The following EIF1AD variants were observed in gnomAD, a reference collection of about 807,000 sequenced individuals.
EIF1AD encodes the protein eukaryotic translation initiation factor 1A domain containing.
A neutral mutation model predicts 21.7 loss-of-function variants in EIF1AD; 9 were observed. That is an observed-to-expected ratio of 0.41 (90% CI 0.25 to 0.72). The LOEUF (loss-of-function observed/expected upper bound fraction) is 0.72. Among genes scored for constraint, EIF1AD ranks in the 30% least tolerant of loss-of-function variants. The pLI is 0.29. For synonymous variants in EIF1AD, 78 were observed against 70.9 expected (o/e 1.10, Z -0.50); for missense variants, 164 against 199.7 (o/e 0.82, Z 1.08).
At position 66,001,937 on chromosome 11, in the gene EIF1AD, G is replaced by C. The variant is rs900526184; in HGVS notation, c.-144C>G. On this transcript the variant is annotated 5_prime_UTR_variant, in exon 1 of 6. Coordinates refer to ENST00000533544, the MANE Select transcript of EIF1AD (RefSeq NM_001242481.2). ...TTAGTCTCTGGCCCTCGGCTCCCAG[G>C]AACGCTGCCGGAGCAACACCGCCGT... 6.6e-6 allele frequency: 1 copy of C among 152,250 alleles called. No individual in the cohort carries two copies. Among genetic ancestry groups the C allele is most frequent in the African/African-American group, 2.4e-5 (1 of 41,438 alleles). The allele number at this position is 152,250 out of a possible 1,614,324, so 9.4% of individuals were successfully genotyped here.
intron 2 of EIF1AD, 39 bp downstream of exon 2, chr11:66,000,264 G>C: frequency 6.2e-7 from 1 of 1,612,820 alleles, no homozygotes; most frequent in Non-Finnish European, 8.5e-7. Context: ...AGGGCTGCAG[G>C]GGTGGGGAGC....
chr11:66,000,499 C>T lies in EIF1AD; in HGVS notation c.-110G>A, dbSNP rs1855905346. 2 of 1,057,978 alleles carry T rather than the reference C, an allele frequency of 1.9e-6. No homozygotes were observed. Among genetic ancestry groups the T allele is most frequent in the Non-Finnish European group, 1.4e-6 (1 of 714,672 alleles). 65.5% of individuals were successfully genotyped at this position (1,057,978 alleles called of 1,614,324 possible). A position where few individuals can be genotyped will look rare whatever the true frequency, so the allele number is the denominator to read the frequency against. On this transcript the variant is annotated 5_prime_UTR_variant, in exon 2 of 6. Coordinates refer to ENST00000533544, the MANE Select transcript of EIF1AD (RefSeq NM_001242481.2). The stretch of plus-strand genomic sequence containing the variant: ...GGACTGTTCTGAAGATGGGGAGGGG[C>T]CTTTTACTGAGGGGTGACACGGTGT...
rs751567674 is a variant in EIF1AD, at chr11:65,999,367, T to C, written c.336A>G (p.Lys112=). Residue 112 remains lysine (K), a synonymous_variant, in exon 5 of 6, where the codon AAA becomes AAG. Coordinates refer to ENST00000533544, the MANE Select transcript of EIF1AD (RefSeq NM_001242481.2). ...WPEAFSEVAE[K]HNNRNRQTQP... ...TTCCTCACCTGTTCCTGTTGTTGTGTTTCTCAGCCACTTCAGAGAAGGCCT... is the reference window on the plus strand; with the variant it reads ...TTCCTCACCTGTTCCTGTTGTTGTGCTTCTCAGCCACTTCAGAGAAGGCCT... 3.1e-6 allele frequency: 5 copies of C among 1,614,264 alleles called. No individual in the cohort carries two copies. In the South Asian group the frequency reaches 5.5e-5, roughly 18 times the overall value.
rs946896545 is a variant in EIF1AD at position 65,996,685 on chromosome 11, A to T, written c.*1914T>A. 2.0e-5 allele frequency: 3 copies of T among 152,202 alleles called. No individual in the cohort carries two copies. The highest frequency in any genetic ancestry group is 7.2e-5 in the African/African-American group (3 of 41,446). 9.4% of individuals were successfully genotyped at this position (152,202 alleles called of 1,614,324 possible). A position where few individuals can be genotyped will look rare whatever the true frequency, so the allele number is the denominator to read the frequency against. ...AAGTAAATGAGAAACAGACAAATGA[A>T]GTGGTAGCTGGAGGACGTGGGAATC... On this transcript the variant is annotated 3_prime_UTR_variant, in exon 6 of 6. Transcript: ENST00000533544.
In EIF1AD at chr11:66,000,176, A is replaced by C; in HGVS notation, c.88-15T>G. ...GTCCTGAGTACCTGGTTCAGGAGAGACCAAGAATCAGTCTCATCAGTCAGA... is the reference window on the plus strand; with the variant it reads ...GTCCTGAGTACCTGGTTCAGGAGAGCCCAAGAATCAGTCTCATCAGTCAGA... On this transcript the variant is annotated splice_polypyrimidine_tract_variant and intron_variant, in intron 2 of 5. Transcript: ENST00000533544. The C allele has an allele frequency of 6.2e-7, 1 of 1,610,592 alleles. No individual in the cohort carries two copies. The highest frequency in any genetic ancestry group is 1.7e-4 in the Middle Eastern group (1 of 6,048).
intron 2 of EIF1AD, 63 bp downstream of exon 2, chr11:66,000,240 C>A (rs1051037601): frequency 1.2e-6 from 2 of 1,610,306 alleles, no homozygotes; most frequent in East Asian, 4.5e-5. Flanking sequence ...CTACCCCCAC[C>A]CCAGGGGCCC....
rs1855800113 is a variant in EIF1AD at position 65,998,219 on chromosome 11, GT to G, written c.*379del. 1 of 171,628 alleles carries G rather than the reference GT, an allele frequency of 5.8e-6. No individual in the cohort carries two copies. The highest frequency in any genetic ancestry group is 1.4e-4 in the South Asian group (1 of 7,280). The allele number at this position is 171,628 out of a possible 1,614,324, so 10.6% of individuals were successfully genotyped here. A position where few individuals can be genotyped will look rare whatever the true frequency, so the allele number is the denominator to read the frequency against. On this transcript the variant is annotated 3_prime_UTR_variant, in exon 6 of 6. Transcript: ENST00000533544. The stretch of plus-strand genomic sequence containing the variant: ...CAAGGAAGCAGGAGTGCTCCCAGCT[GT>G]TAAACACATGCAAGAAGGCCCAGAG...
At chr11:66,000,680 C>A in intron 1 of EIF1AD, 175 bp from the exon 2 acceptor site, 1 of 305,230 alleles carries the variant, frequency 3.3e-6, no homozygotes. Context: ...CTCCTGTTGG[C>A]CTTCTTAGTT....
chr11:66,000,602 C>T, intron 1 of EIF1AD, 97 bp from the exon 2 acceptor site: 1 of 574,720 alleles, frequency 1.7e-6, no homozygotes, highest in East Asian at 2.9e-5. Flanking sequence ...AACTATTCAA[C>T]TTCTCTAGGT....
chr11:65,999,771 T>G, intron 3 of EIF1AD, 96 bp from the exon 4 acceptor site: 1 of 813,184 alleles, frequency 1.2e-6, no homozygotes. Context: ...GAGGGCTGCC[T>G]CTCTCACCTC....
chr11:66,000,029 G>A lies in EIF1AD; in HGVS notation c.196+24C>T, dbSNP rs910235736. 6.4e-6 allele frequency: 10 copies of A among 1,571,306 alleles called. No homozygotes were observed. The African/African-American group carries it at 1.3e-4, about 21-fold the overall frequency. On this transcript the variant is annotated intron_variant, in intron 3 of 5. Coordinates refer to ENST00000533544, the MANE Select transcript of EIF1AD (RefSeq NM_001242481.2). ...CCCATCTCAGCCTCTCAAAGTGCCA[G>A]GATTACAGGAGTAATCCTCTCACCT...
chr11:65,999,860 G>A, intron 3 of EIF1AD, 185 bp from the exon 4 acceptor site: 1 of 640,450 alleles, frequency 1.6e-6, no homozygotes. Context: ...ATAGCTGACT[G>A]CAGCCTCCAC....
Position 65,999,605 on chromosome 11 carries a change from G to C in EIF1AD, c.267C>G (p.Cys89Trp). The change falls in exon 4 of 6, where the codon TGC becomes TGG. Residue 89 changes from cysteine to tryptophan, a missense_variant. Transcript: ENST00000533544. ...TCTGCAGAGAGCGCACGTGGTCCTT[G>C]CAGAGCACAAACGAGATTTCAGCCT... ...KVKAEISFVL[C>W]KDHVRSLQKE... is the part of the protein sequence containing the mutation. 1 of 1,613,988 alleles carries C rather than the reference G, an allele frequency of 6.2e-7. No individual in the cohort carries two copies. The highest frequency in any genetic ancestry group is 1.7e-4 in the Middle Eastern group (1 of 5,916).
chr11:66,000,560 C>G, intron 1 of EIF1AD, 55 bp from the exon 2 acceptor site: 1 of 630,902 alleles, frequency 1.6e-6, no homozygotes, highest in South Asian at 1.9e-5. Context: ...GTCTAACTGC[C>G]TGGATTCAAA....
In EIF1AD at chr11:65,999,340, T is replaced by A; in HGVS notation, c.353+10A>T. The A allele has an allele frequency of 6.2e-7, 1 of 1,614,238 alleles. No individual in the cohort carries two copies. On this transcript the variant is annotated intron_variant, in intron 5 of 5. Coordinates refer to ENST00000533544, the MANE Select transcript of EIF1AD (RefSeq NM_001242481.2). ...TTTCCATGTACCCCACCCCAAGGCTTGTTCCTCACCTGTTCCTGTTGTTGT... is the reference window on the plus strand; with the variant it reads ...TTTCCATGTACCCCACCCCAAGGCTAGTTCCTCACCTGTTCCTGTTGTTGT...
rs1462076907 is a variant in EIF1AD, at chr11:65,998,706, A to T, written c.391T>A (p.Ser131Thr). Residue 131 changes from serine to threonine, a missense_variant, in exon 6 of 6, where the codon TCA (serine) becomes ACA (threonine). By Grantham distance (58) the Ser-to-Thr change is moderately conservative (BLOSUM62 1). Transcript: ENST00000533544. ...QPELPAEPQL[S>T]GEESSSEDDS... The stretch of plus-strand genomic sequence containing the variant: ...TCTTCTGAGCTGGACTCCTCTCCTG[A>T]TAACTGTGGCTCAGCTGGGAGTTCT... The T allele has an allele frequency of 1.9e-6, 3 of 1,614,058 alleles. No homozygotes were observed. The highest frequency in any genetic ancestry group is 2.5e-6 in the Non-Finnish European group (3 of 1,180,036).
rs1420540207 is a variant in EIF1AD at position 65,998,263 on chromosome 11, T to G, written c.*336A>C. ...GCCCAGAGCACGGCCTGGCACTTTC[T>G]AAGTGCCCAATAAGAAAGAACAAAC... On this transcript the variant is annotated 3_prime_UTR_variant, in exon 6 of 6. Transcript: ENST00000533544. 5.0e-6 allele frequency: 1 copy of G among 198,264 alleles called. No homozygotes were observed. The highest frequency in any genetic ancestry group is 1.3e-4 in the East Asian group (1 of 7,710). The allele number at this position is 198,264 out of a possible 1,614,324, so 12.3% of individuals were successfully genotyped here. A position where few individuals can be genotyped will look rare whatever the true frequency, so the allele number is the denominator to read the frequency against.
chr11:65,998,333 G>T lies in EIF1AD; in HGVS notation c.*266C>A. On this transcript the variant is annotated 3_prime_UTR_variant, in exon 6 of 6. Transcript: ENST00000533544. ...CCATTTCCCATTTCCTCCCCATTCA[G>T]CCCACCCACCCACAAGGTCTCTAAT... The T allele has an allele frequency of 4.0e-6, 1 of 251,774 alleles. No individual in the cohort carries two copies. The allele number at this position is 251,774 out of a possible 1,614,324, so 15.6% of individuals were successfully genotyped here.
Position 65,999,635 on chromosome 11 carries a change from C to T in EIF1AD, c.237G>A (p.Lys79=), listed in dbSNP as rs1018423769. Residue 79 remains lysine, a synonymous_variant, in exon 4 of 6, where the codon AAG becomes AAA. Transcript: ENST00000533544. ...LIVDPIEEGE[K]VKAEISFVLC... ...GCACAAACGAGATTTCAGCCTTCACCTTTTCTCCCTCTTCAATGGGGTCAA... is the reference window on the plus strand; with the variant it reads ...GCACAAACGAGATTTCAGCCTTCACTTTTTCTCCCTCTTCAATGGGGTCAA... The T allele has an allele frequency of 1.1e-5, 17 of 1,613,958 alleles. No homozygotes were observed. Among genetic ancestry groups the T allele is most frequent in the Non-Finnish European group, 1.3e-5 (15 of 1,180,038 alleles).
Sources: allele counts gnomAD v4.1 joint callset, GRCh38; gene constraint gnomAD v4.1.1; transcripts MANE v1.5; gene names NCBI Gene and HGNC (gene_info 2026-07-23, HGNC 2026-07-21).